The following AKIP1 variants were observed in gnomAD, a reference collection of about 807,000 sequenced individuals.
AKIP1 encodes the protein A-kinase interacting protein 1.
In AKIP1, 18 loss-of-function variants were observed where a neutral mutation model predicts 22.3. The observed-to-expected ratio is 0.81, with a 90% CI of 0.56 to 1.19. The LOEUF (loss-of-function observed/expected upper bound fraction) is 1.19. AKIP1 is among the 50% of genes most tolerant of loss of function. The pLI, the probability that AKIP1 is intolerant of heterozygous loss-of-function variation, is 0.00. For missense variants in AKIP1, 287 were observed against 264.6 expected (o/e 1.08, Z -0.59); for synonymous variants, 120 against 102.7 (o/e 1.17, Z -1.02).
chr11:8,919,625 T>A lies in AKIP1; in HGVS notation c.*145T>A, dbSNP rs2064547339. The A allele has an allele frequency of 2.2e-6, 2 of 893,882 alleles. No individual in the cohort carries two copies. The highest frequency in any genetic ancestry group is 2.6e-5 in the East Asian group (1 of 39,128). The allele number at this position is 893,882 out of a possible 1,614,324, so 55.4% of individuals were successfully genotyped here. On this transcript the variant is annotated 3_prime_UTR_variant, in exon 6 of 6. Transcript: ENST00000309377. Reference sequence around the variant, plus strand: ...GGGAACTGGAGTCTGTCTCTTTCAGTGCTTTTTTGTTTGTTTGGTTGGTTT... The same window carrying A: ...GGGAACTGGAGTCTGTCTCTTTCAGAGCTTTTTTGTTTGTTTGGTTGGTTT...
chr11:8,914,093 C>A (rs1296102632), intron 3 of AKIP1, among the ~76,000 whole-genome samples: 1 of 152,198 alleles, frequency 6.6e-6, no homozygotes, highest in Non-Finnish European at 1.5e-5. Flanking sequence ...ATCTTTAGGT[C>A]TGTGTCCTCA....
chr11:8,911,436 C>A lies in AKIP1; in HGVS notation c.-6-8C>A. ...CCGCCGGCGTTTGTACGTTGTGTGC[C>A]CACTCAGGGAGCCATGGACAACTGT... is the stretch of plus-strand genomic sequence containing the variant. On this transcript the variant is annotated splice_region_variant and splice_polypyrimidine_tract_variant and intron_variant, in intron 1 of 5. Coordinates refer to ENST00000309377, the MANE Select transcript of AKIP1 (RefSeq NM_020642.4). 1 of 1,574,096 alleles carries A rather than the reference C, an allele frequency of 6.4e-7. No homozygotes were observed. The highest frequency in any genetic ancestry group is 8.6e-7 in the Non-Finnish European group (1 of 1,159,872).
At chr11:8,912,871 C>CTTTTTTTTTTTTTTTTTTTTTTT (rs71059196) in intron 3 of AKIP1, among the ~76,000 whole-genome samples, 1 of 92,950 alleles carries the variant, frequency 1.1e-5, no homozygotes, top group Admixed American at 1.7e-4. Context: ...TTTTTTTTAA[C>CTTTTTTTTTTTTTTTTTTTTTTT]TTTTTTTTTT....
At chr11:8,917,395 G>GT (rs755785899) in intron 5 of AKIP1, 28 bp downstream of exon 5, 1 of 1,561,166 alleles carries the variant, frequency 6.4e-7, no homozygotes, top group East Asian at 2.2e-5. Flanking sequence ...TACGCACTGG[G>GT]TTTCACCACC....
intron 2 of AKIP1, among the ~76,000 whole-genome samples, chr11:8,912,172 G>C (rs900511163): frequency 7.0e-6 from 1 of 142,198 alleles, no homozygotes; most frequent in African/African-American, 2.6e-5. Flanking sequence ...ACTCCAGCCT[G>C]GGCAACAAGA....
intron 3 of AKIP1, 146 bp downstream of exon 3, chr11:8,912,679 C>A: frequency 2.8e-6 from 2 of 719,040 alleles, no homozygotes; most frequent in Non-Finnish European, 4.8e-6. Flanking sequence ...AGGACTTAAA[C>A]CAGGGGGTAA....
chr11:8,914,360 G>A (rs2064445530), intron 3 of AKIP1, among the ~76,000 whole-genome samples: 1 of 152,222 alleles, frequency 6.6e-6, no homozygotes, highest in African/African-American at 2.4e-5. Context: ...CTGCAGAGCA[G>A]CTCTTGGGTT....
rs1258638681 is a variant in AKIP1 at position 8,917,309 on chromosome 11, C to T, written c.431C>T (p.Ser144Phe). 3.7e-6 allele frequency: 6 copies of T among 1,610,282 alleles called. No homozygotes were observed. Reference sequence around the variant, plus strand: ...CAGAGAAAAGACAGAAAAAAGACATCCCTTGGTCCTGGAGGCAGCTATCAA... The same window carrying T: ...CAGAGAAAAGACAGAAAAAAGACATTCCTTGGTCCTGGAGGCAGCTATCAA... Reference protein sequence around the residue: ...NGQRKDRKKTSLGPGGSYQIS... With the variant: ...NGQRKDRKKTFLGPGGSYQIS... The change falls in exon 5 of 6, where the codon TCC becomes TTC. Residue 144 changes from serine to phenylalanine, a missense_variant. Transcript: ENST00000309377.
chr11:8,915,032 G>T (rs745735411), intron 4 of AKIP1, 102 bp downstream of exon 4: 208 of 845,488 alleles, frequency 2.5e-4, no homozygotes, highest in Non-Finnish European at 3.5e-4. Flanking sequence ...GGATGCCCGT[G>T]TGACTTGGCA....
intron 4 of AKIP1, among the ~76,000 whole-genome samples, chr11:8,915,358 CTT>C (rs559350653): frequency 3.4e-3 from 283 of 83,930 alleles, no homozygotes; most frequent in African/African-American, 0.011. Context: ...TTTTTTTTTT[CTT>C]TTTTTTTTTT....
At position 8,919,820 on chromosome 11, in the gene AKIP1, G is replaced by A. The variant is rs999739131; in HGVS notation, c.*340G>A. On this transcript the variant is annotated 3_prime_UTR_variant, in exon 6 of 6. Coordinates refer to ENST00000309377, the MANE Select transcript of AKIP1 (RefSeq NM_020642.4). The stretch of plus-strand genomic sequence containing the variant: ...CCCGGCTATTTTTTTTGTATTTTTA[G>A]TAGAGACGGGGTTTCACCATGTTGG... The A allele has an allele frequency of 2.4e-5, 5 of 207,452 alleles. No homozygotes were observed. Among genetic ancestry groups the A allele is most frequent in the South Asian group, 8.4e-5 (1 of 11,880 alleles). The allele number at this position is 207,452 out of a possible 1,614,324, so 12.9% of individuals were successfully genotyped here.
chr11:8,914,413 C>T (rs1280354863), intron 3 of AKIP1, among the ~76,000 whole-genome samples: 2 of 152,202 alleles, frequency 1.3e-5, no homozygotes, highest in South Asian at 4.1e-4. Context: ...GGAAAATGTA[C>T]CCCTCTCTTC....
intron 1 of AKIP1, 69 bp from the exon 2 acceptor site, chr11:8,911,375 C>T: frequency 7.1e-7 from 1 of 1,405,398 alleles, no homozygotes; most frequent in Non-Finnish European, 9.6e-7. Context: ...GGGCTCCCAC[C>T]CGGATTTGGA....
rs577867262 is a variant in AKIP1, at chr11:8,919,711, A to C, written c.*231A>C. ...GAGTGCAGTGGCGTGATCTCGGCTCACTGCAAGTTCCGCCTCCCGGGTTCA... is the reference window on the plus strand; with the variant it reads ...GAGTGCAGTGGCGTGATCTCGGCTCCCTGCAAGTTCCGCCTCCCGGGTTCA... On this transcript the variant is annotated 3_prime_UTR_variant, in exon 6 of 6. Coordinates refer to ENST00000309377, the MANE Select transcript of AKIP1 (RefSeq NM_020642.4). 1.9e-5 allele frequency: 8 copies of C among 417,832 alleles called. No individual in the cohort carries two copies. The highest frequency in any genetic ancestry group is 1.2e-4 in the African/African-American group (6 of 49,018). 25.9% of individuals were successfully genotyped at this position (417,832 alleles called of 1,614,324 possible).
In AKIP1 at chr11:8,914,841, G is replaced by A. The variant is rs889524655; in HGVS notation, c.319G>A (p.Val107Met). The change falls in exon 4 of 6, where the codon GTG (valine) becomes ATG (methionine). Residue 107 changes from valine (V) to methionine (M), a missense_variant. Val to Met is a conservative substitution (Grantham distance 21). Transcript: ENST00000309377. The stretch of plus-strand genomic sequence containing the variant: ...ACGTCTCTAGAAATATTATTCATCT[G>A]TGCCAGAGGAAGGAGGGGCAACCCA... ...SSQCGKYYSSVPEEGGATHVY... is the reference protein window; with the variant it reads ...SSQCGKYYSSMPEEGGATHVY... 1.2e-5 allele frequency: 19 copies of A among 1,612,680 alleles called. No homozygotes were observed. Among genetic ancestry groups the A allele is most frequent in the Admixed American group, 1.7e-5 (1 of 59,982 alleles).
chr11:8,916,049 C>T (rs1476104139), intron 4 of AKIP1, among the ~76,000 whole-genome samples: 2 of 151,888 alleles, frequency 1.3e-5, no homozygotes, highest in Admixed American at 6.6e-5. Context: ...CTCGATCTCC[C>T]GACCTCGTGA....
chr11:8,918,591 G>A (rs1589927683), intron 5 of AKIP1, among the ~76,000 whole-genome samples: 1 of 152,208 alleles, frequency 6.6e-6, no homozygotes, highest in African/African-American at 2.4e-5. Flanking sequence ...TTAATTACAG[G>A]CTCTCTTCTG....
In AKIP1 at chr11:8,911,580, G is replaced by A; in HGVS notation, c.131G>A (p.Arg44His). 1 of 1,611,284 alleles carries A rather than the reference G, an allele frequency of 6.2e-7. No individual in the cohort carries two copies. The highest frequency in any genetic ancestry group is 2.2e-5 in the East Asian group (1 of 44,796). The change falls in exon 2 of 6, where the codon CGT becomes CAT. Residue 44 changes from arginine (R) to histidine (H), a missense_variant. Coordinates refer to ENST00000309377, the MANE Select transcript of AKIP1 (RefSeq NM_020642.4). The part of the protein sequence containing the change: ...RRAVDWHALE[R>H]PKGCMGVLAR... ...GCGGTGGACTGGCATGCCCTGGAGC[G>A]TCCCAAAGGCTGCATGGGGGTCCTT...
chr11:8,911,196 C>T lies in AKIP1; in HGVS notation c.-34C>T, dbSNP rs941480433. On this transcript the variant is annotated 5_prime_UTR_variant, in exon 1 of 6. Coordinates refer to ENST00000309377, the MANE Select transcript of AKIP1 (RefSeq NM_020642.4). ...GGTCCCTCTTCCTAGAATAGCGTTG[C>T]GCGCATGCGCCTTGACGAGTGAGCC... 2.2e-4 allele frequency: 112 copies of T among 509,182 alleles called. No homozygotes were observed. The highest frequency in any genetic ancestry group is 1.8e-3 in the African/African-American group (92 of 51,632). The allele number at this position is 509,182 out of a possible 1,614,324, so 31.5% of individuals were successfully genotyped here. A position where few individuals can be genotyped will look rare whatever the true frequency, so the allele number is the denominator to read the frequency against.
Sources: gnomAD v4.1 joint callset for allele counts (sites outside exome capture counted in the v4.1 genomes callset) on GRCh38, gnomAD v4.1.1 for gene constraint, MANE v1.5 for transcripts, NCBI Gene and HGNC (gene_info 2026-07-23, HGNC 2026-07-21) for gene names.